The following SPATA7 variants were observed in gnomAD, a reference collection of about 807,000 sequenced individuals.
The protein encoded by SPATA7 is spermatogenesis-associated protein 7.
SPATA7 carries 43 observed loss-of-function variants against 51.8 expected under a neutral mutation model. The ratio of observed to expected loss-of-function variants is 0.83; its 90% CI spans 0.65 to 1.07. The LOEUF (loss-of-function observed/expected upper bound fraction) is 1.07. Ranked by LOEUF, SPATA7 falls within the 50% of genes least tolerant of loss-of-function variation. The pLI, the probability that SPATA7 is intolerant of heterozygous loss-of-function variation, is 0.00. For missense variants in SPATA7, 683 were observed against 701.3 expected, an observed-to-expected ratio of 0.97 and a Z score of 0.30; for synonymous variants, 230 against 252.8, an observed-to-expected ratio of 0.91 and a Z score of 0.86.
intron 4 of SPATA7, among the ~76,000 whole-genome samples, chr14:88,463,088 G>A (rs1173711860): frequency 2.0e-5 from 3 of 152,100 alleles, no homozygotes; most frequent in Non-Finnish European, 4.4e-5. Context: ...ATGTGACCTA[G>A]GGATACCCTC....
intron 4 of SPATA7, among the ~76,000 whole-genome samples, chr14:88,464,502 T>C (rs79862519): frequency 0.037 from 5,665 of 152,006 alleles, 340 homozygotes; most frequent in African/African-American, 0.13. Context: ...AGGCCGATGC[T>C]GGCAGATCCC....
At chr14:88,443,101 C>T (rs530247083), downstream of SPATA7, among the ~76,000 whole-genome samples, 1 of 152,060 alleles carries the variant, frequency 6.6e-6, no homozygotes, top group African/African-American at 2.4e-5. Context: ...CCTGCCACTG[C>T]GCCCAGCTAA....
At chr14:88,398,228 C>G (rs1484353958) in intron 4 of SPATA7, among the ~76,000 whole-genome samples, 1 of 151,540 alleles carries the variant, frequency 6.6e-6, no homozygotes, top group Admixed American at 6.6e-5. Flanking sequence ...TGGAACCAAC[C>G]CAAATGTCCA....
intron 4 of SPATA7, among the ~76,000 whole-genome samples, chr14:88,400,591 T>C (rs1267753319): frequency 1.9e-4 from 29 of 152,130 alleles, no homozygotes; most frequent in Non-Finnish European, 2.2e-4. Flanking sequence ...CCCAGCACTT[T>C]GGGAGGCCAA....
rs2077121384 is a variant in SPATA7, at chr14:88,437,533, T to A, written c.1161-10T>A. 1 of 1,600,936 alleles carries A rather than the reference T, an allele frequency of 6.2e-7. No homozygotes were observed. Among genetic ancestry groups the A allele is most frequent in the African/African-American group, 1.3e-5 (1 of 74,636 alleles). On this transcript the variant is annotated splice_polypyrimidine_tract_variant and intron_variant, in intron 10 of 11. Transcript: ENST00000393545. ...TTTGAGACATTAACATTTTTGTTTA[T>A]CATTTGTAGGTTTTTAGAACGACTG...
intron 3 of SPATA7, among the ~76,000 whole-genome samples, chr14:88,445,551 C>T (rs1277898781): frequency 2.6e-5 from 4 of 151,654 alleles, no homozygotes; most frequent in Non-Finnish European, 5.9e-5. Context: ...AGAGGGCATC[C>T]CTGTCTTGTG....
At chr14:88,460,292 C>T (rs920827871) in intron 4 of SPATA7, among the ~76,000 whole-genome samples, 3 of 152,144 alleles carry the variant, frequency 2.0e-5, no homozygotes, top group African/African-American at 7.2e-5. Flanking sequence ...TGGATAATAT[C>T]CTGCAGAGTG....
At chr14:88,470,319 C>T (rs552885542) in exon 5 of SPATA7, 149 of 436,392 alleles carry the variant, frequency 3.4e-4, no homozygotes, top group African/African-American at 2.9e-3. Context: ...TGTCAGTTCT[C>T]ATTTATACAA....
Position 88,415,502 on chromosome 14 carries a change from T to TTTTTTGTTTTTTTTAA in SPATA7, c.239-1209_239-1208insTTTTTGTTTTTTTTAA, listed in dbSNP as rs1566768684. 8.1e-3 allele frequency among the ~76,000 whole-genome samples: 1,227 copies of TTTTTTGTTTTTTTTAA among 151,786 alleles called. 15 individuals carry two copies. Among genetic ancestry groups the TTTTTTGTTTTTTTTAA allele is most frequent in the African/African-American group, 0.027 (1,136 of 41,428 alleles). On this transcript the variant is annotated intron_variant, in intron 4 of 11. Transcript: ENST00000393545. ...TTGGGTCTTGTTTTTTGTTTTTTTT[T>TTTTTTGTTTTTTTTAA]AAATAAAATATTATTTTATTTTTTA...
chr14:88,457,535 T>C (rs570136907), downstream of SPATA7, among the ~76,000 whole-genome samples: 98 of 152,330 alleles, frequency 6.4e-4, no homozygotes, highest in Non-Finnish European at 1.3e-3. Flanking sequence ...TCGTCTGTGA[T>C]TTGTGTATAA....
intron 1 of SPATA7, among the ~76,000 whole-genome samples, chr14:88,387,487 A>G (rs1242249266): frequency 6.6e-6 from 1 of 152,190 alleles, no homozygotes; most frequent in Non-Finnish European, 1.5e-5. Flanking sequence ...AATTTTAGAC[A>G]CAGCTAAAAT....
At chr14:88,456,176 C>A (rs1374611565), downstream of SPATA7, among the ~76,000 whole-genome samples, 1 of 152,088 alleles carries the variant, frequency 6.6e-6, no homozygotes, top group Non-Finnish European at 1.5e-5. Flanking sequence ...AATAGTGCTG[C>A]AATAAACATG....
intron 4 of SPATA7, among the ~76,000 whole-genome samples, chr14:88,462,183 C>A (rs2077321842): frequency 6.6e-6 from 1 of 152,178 alleles, no homozygotes; most frequent in Admixed American, 6.5e-5. Flanking sequence ...TAATAAACTT[C>A]CAGGATAAAA....
At chr14:88,404,545 G>C (rs112751926) in intron 4 of SPATA7, among the ~76,000 whole-genome samples, 5,356 of 151,982 alleles carry the variant, frequency 0.035, 309 homozygotes, top group African/African-American at 0.12. Flanking sequence ...AATGAAACCC[G>C]TTCTCTACTA....
intron 4 of SPATA7, among the ~76,000 whole-genome samples, chr14:88,405,827 T>TA (rs1368731079): frequency 6.6e-6 from 1 of 152,216 alleles, no homozygotes; most frequent in Non-Finnish European, 1.5e-5. Flanking sequence ...AGGATAGAGC[T>TA]AAAAATGTGG....
chr14:88,415,166 C>A, intron 4 of SPATA7: 1 of 250,400 alleles, frequency 4.0e-6, no homozygotes, highest in Non-Finnish European at 8.6e-6. Context: ...TGTTGAAGTC[C>A]CCCATTATTA....
At chr14:88,462,057 C>T (rs1391211776) in intron 4 of SPATA7, among the ~76,000 whole-genome samples, 1 of 152,074 alleles carries the variant, frequency 6.6e-6, no homozygotes. Context: ...AAAACCTTAC[C>T]AAAATCCTTT....
intron 3 of SPATA7, among the ~76,000 whole-genome samples, chr14:88,453,886 G>A (rs899147723): frequency 1.3e-5 from 2 of 152,056 alleles, no homozygotes; most frequent in African/African-American, 4.8e-5. Flanking sequence ...AGATCTTTTT[G>A]GGTTGGAGTA....
chr14:88,427,537 C>T, intron 6 of SPATA7, 93 bp from the exon 7 acceptor site: 1 of 821,332 alleles, frequency 1.2e-6, no homozygotes, highest in African/African-American at 1.7e-5. Flanking sequence ...GGGTCTCATT[C>T]TTTTTGAGTT....
Sources: gnomAD v4.1 joint callset for allele counts (sites outside exome capture counted in the v4.1 genomes callset) on GRCh38, gnomAD v4.1.1 for gene constraint, MANE v1.5 for transcripts, NCBI Gene and HGNC (gene_info 2026-07-23, HGNC 2026-07-21) for gene names.